The following STRA8 variants were observed in gnomAD, a reference collection of about 807,000 sequenced individuals.
STRA8 encodes the protein stimulated by retinoic acid 8.
In STRA8, 18 loss-of-function variants were observed where a neutral mutation model predicts 37.1. That is an observed-to-expected ratio of 0.48 (90% confidence interval 0.34 to 0.72). The LOEUF is 0.72. Ranked by LOEUF, STRA8 falls within the 30% of genes least tolerant of loss-of-function variation. The pLI, the probability that STRA8 is intolerant of heterozygous loss-of-function variation, is 0.01. For synonymous variants in STRA8, 168 were observed against 162.9 expected, an observed-to-expected ratio of 1.03 and a Z score of -0.24; for missense variants, 357 against 410.4, an observed-to-expected ratio of 0.87 and a Z score of 1.13.
rs557008697 is a variant in STRA8 at position 135,258,348 on chromosome 7, G to A, written c.1066-70G>A. On this transcript the variant is annotated intron_variant, in intron 8 of 8. Coordinates refer to ENST00000662584, the MANE Select transcript of STRA8 (RefSeq NM_001394401.1). ...GGCTGGGCACACCGGAGATGCAGGA[G>A]CCTTCCTATCTGCCTCGGGCCCAAG... is the stretch of plus-strand genomic sequence containing the variant. 7.7e-4 allele frequency: 1,008 copies of A among 1,305,260 alleles called. 5 individuals are homozygous for A. In the African/African-American group the frequency reaches 0.012, roughly 15 times the overall value. The allele number at this position is 1,305,260 out of a possible 1,614,324, so 80.9% of individuals were successfully genotyped here. A position where few individuals can be genotyped will look rare whatever the true frequency, so the allele number is the denominator to read the frequency against.
intron 4 of STRA8, 106 bp from the exon 5 acceptor site, chr7:135,245,182 C>T (rs774436758): frequency 1.8e-5 from 13 of 730,258 alleles, no homozygotes; most frequent in Non-Finnish European, 3.3e-5. Flanking sequence ...CCTACACACA[C>T]ACACATACAT....
At chr7:135,238,206 CG>C (rs1832407402) in intron 1 of STRA8, among the ~76,000 whole-genome samples, 1 of 152,078 alleles carries the variant, frequency 6.6e-6, no homozygotes, top group South Asian at 2.1e-4. Flanking sequence ...CAAGGGGGGG[CG>C]GGGGTGTAAA....
chr7:135,255,015 G>T (rs17168332), intron 7 of STRA8, 99 bp from the exon 8 acceptor site: 274,313 of 900,760 alleles, frequency 0.3, 44,416 homozygotes, highest in African/African-American at 0.43. Context: ...ACATGTGCTT[G>T]GTTCATACTG....
At position 135,255,277 on chromosome 7, in the gene STRA8, A is replaced by C. The variant is rs772764777; in HGVS notation, c.1065+52A>C. On this transcript the variant is annotated intron_variant, in intron 8 of 8. Transcript: ENST00000662584. ...CCTCTGCCCACCTTGCTTAGATAGC[A>C]AAAAGGGCTCTTAAGGGCAGCCCTA... 34 of 1,435,016 alleles carry C rather than the reference A, an allele frequency of 2.4e-5. No homozygotes were observed. The African/African-American group carries it at 3.7e-4, about 15-fold the overall frequency. 88.9% of individuals were successfully genotyped at this position (1,435,016 alleles called of 1,614,324 possible). A position where few individuals can be genotyped will look rare whatever the true frequency, so the allele number is the denominator to read the frequency against.
intron 7 of STRA8, 27 bp downstream of exon 7, chr7:135,251,896 G>A: frequency 6.2e-7 from 1 of 1,606,462 alleles, no homozygotes; most frequent in South Asian, 1.1e-5. Flanking sequence ...GAGATAGCAT[G>A]TGCCCCTGTG....
chr7:135,246,414 C>T lies in STRA8; in HGVS notation c.594-3C>T. ...GTGCGAGACGGCGCCGCTTCTGTTC[C>T]AGGTATCTCAACTTTTACAAACAGA... is the stretch of plus-strand genomic sequence containing the variant. On this transcript the variant is annotated splice_polypyrimidine_tract_variant and splice_region_variant and intron_variant, in intron 5 of 8. Transcript: ENST00000662584. This position sits in a 1 kb window ranked among gnomAD's most constrained non-coding sequence, Gnocchi z 5.4. 6.3e-7 allele frequency: 1 copy of T among 1,599,862 alleles called. No individual in the cohort carries two copies. The highest frequency in any genetic ancestry group is 8.5e-7 in the Non-Finnish European group (1 of 1,172,392).
chr7:135,256,844 T>G (rs1384283682), intron 8 of STRA8, among the ~76,000 whole-genome samples: 5 of 152,012 alleles, frequency 3.3e-5, no homozygotes. Context: ...ATGCCAAACT[T>G]CAGCACTCCT....
At chr7:135,235,810 G>A (rs2117783055) in intron 1 of STRA8, among the ~76,000 whole-genome samples, 1 of 152,194 alleles carries the variant, frequency 6.6e-6, no homozygotes, top group Non-Finnish European at 1.5e-5. Context: ...CCTCCTTTAT[G>A]CAGATAAAGA....
intron 6 of STRA8, among the ~76,000 whole-genome samples, chr7:135,249,938 T>C (rs1403282564): frequency 6.6e-6 from 1 of 152,236 alleles, no homozygotes; most frequent in African/African-American, 2.4e-5. Context: ...GAAGCAGGGC[T>C]CTGCCTGCAC....
intron 2 of STRA8, 102 bp from the exon 3 acceptor site, chr7:135,242,679 T>C (rs1832484532): frequency 2.0e-6 from 2 of 1,018,612 alleles, no homozygotes; most frequent in Non-Finnish European, 3.1e-6. Flanking sequence ...ACTTTGCATC[T>C]GAGGGAGCGT....
chr7:135,243,527 T>C, intron 4 of STRA8, 117 bp downstream of exon 4: 1 of 831,982 alleles, frequency 1.2e-6, no homozygotes, highest in Non-Finnish European at 1.9e-6. Flanking sequence ...GGGCTGCTGC[T>C]CACCATTCAA....
chr7:135,239,211 T>A (rs1208582684), intron 1 of STRA8, among the ~76,000 whole-genome samples: 2 of 152,190 alleles, frequency 1.3e-5, no homozygotes, highest in Admixed American at 1.3e-4. Flanking sequence ...GAAGATTGTT[T>A]CCAGCTGCTG....
Position 135,246,750 on chromosome 7 carries a change from T to C in STRA8, c.879+48T>C. 1.4e-6 allele frequency: 2 copies of C among 1,471,610 alleles called. No homozygotes were observed. The highest frequency in any genetic ancestry group is 1.8e-6 in the Non-Finnish European group (2 of 1,118,734). The allele number at this position is 1,471,610 out of a possible 1,614,324, so 91.2% of individuals were successfully genotyped here. A position where few individuals can be genotyped will look rare whatever the true frequency, so the allele number is the denominator to read the frequency against. On this transcript the variant is annotated intron_variant, in intron 6 of 8. Transcript: ENST00000662584. The surrounding 1 kb of genome is among the most constrained non-coding windows in gnomAD (Gnocchi z 5.4). ...CGTGGATGGGGCACGGGAACCACCCTCGCCCTCGCCTGGGGACACCAGGGC... is the reference window on the plus strand; with the variant it reads ...CGTGGATGGGGCACGGGAACCACCCCCGCCCTCGCCTGGGGACACCAGGGC...
rs1832534032 is a variant in STRA8 at position 135,245,423 on chromosome 7, GGAGGAGGAA to G, written c.504_512del (p.Glu176_Glu178del). ...AAGAGGAGGAGGAAGAAGAAGAGGAGGAGGAGGAAGAGGAGGAAGAGGAAGAGGAGGAGG... is the reference window on the plus strand; with the variant it reads ...AAGAGGAGGAGGAAGAAGAAGAGGAGGAGGAGGAAGAGGAAGAGGAGGAGG... On this transcript the variant is annotated inframe_deletion, in exon 5 of 9. Transcript: ENST00000662584. 2 of 768,942 alleles carry G rather than the reference GGAGGAGGAA, an allele frequency of 2.6e-6. No individual in the cohort carries two copies. Among genetic ancestry groups the G allele is most frequent in the South Asian group, 2.7e-5 (2 of 73,672 alleles). The allele number at this position is 768,942 out of a possible 1,614,324, so 47.6% of individuals were successfully genotyped here.
At chr7:135,240,865 A>G (rs914401039) in intron 2 of STRA8, 149 bp downstream of exon 2, 13 of 859,182 alleles carry the variant, frequency 1.5e-5, no homozygotes, top group Non-Finnish European at 2.1e-5. Context: ...GGTAATTTAT[A>G]AACAACAGAA....
chr7:135,251,485 C>A (rs1229420849), intron 6 of STRA8, among the ~76,000 whole-genome samples: 1 of 152,156 alleles, frequency 6.6e-6, no homozygotes, highest in East Asian at 1.9e-4. Context: ...TAAACTGAGG[C>A]TCTGGTAATT....
chr7:135,253,090 A>G (rs1832658452), intron 7 of STRA8, among the ~76,000 whole-genome samples: 3 of 152,140 alleles, frequency 2.0e-5, no homozygotes, highest in Admixed American at 2.0e-4. Context: ...GCATGCCACT[A>G]TGCTCAGCTA....
At chr7:135,235,394 G>A (rs927626242) in intron 1 of STRA8, among the ~76,000 whole-genome samples, 2 of 88,584 alleles carry the variant, frequency 2.3e-5, no homozygotes, top group African/African-American at 5.6e-5. Context: ...GGTTATGAGT[G>A]GCTTTTTTTT....
At chr7:135,237,970 G>A (rs1832403604) in intron 1 of STRA8, among the ~76,000 whole-genome samples, 2 of 152,020 alleles carry the variant, frequency 1.3e-5, no homozygotes, top group African/African-American at 2.4e-5. Flanking sequence ...CCACAGAGAC[G>A]GAAAAAATTC....
Sources: allele counts gnomAD v4.1 joint callset (sites outside exome capture counted in the v4.1 genomes callset), GRCh38; gene constraint gnomAD v4.1.1; non-coding constraint Gnocchi (gnomAD v3.1); transcripts MANE v1.5; gene names NCBI Gene and HGNC (gene_info 2026-07-23, HGNC 2026-07-21).